The following PPFIBP1 variants were observed in gnomAD, a reference collection of about 807,000 sequenced individuals.
PPFIBP1 encodes PPFIB scaffold protein 1, also known as liprin-beta-1.
Under a neutral mutation model 137.8 loss-of-function variants are expected in PPFIBP1, and 112 were observed. That is an observed-to-expected ratio of 0.81 (90% CI 0.70 to 0.95). The LOEUF (loss-of-function observed/expected upper bound fraction) is 0.95, where lower values mean the gene tolerates loss of function less well. Among genes scored for constraint, PPFIBP1 ranks in the 40% least tolerant of loss-of-function variants. The pLI, the probability that PPFIBP1 is intolerant of heterozygous loss-of-function variation, is 0.00. For synonymous variants in PPFIBP1, 378 were observed against 417.3 expected (o/e 0.91, Z 1.15); for missense variants, 1,083 against 1,196.6 (o/e 0.91, Z 1.40).
At chr12:27,622,617 A>G (rs1190270002) in intron 2 of PPFIBP1, among the ~76,000 whole-genome samples, 1 of 152,234 alleles carries the variant, frequency 6.6e-6, no homozygotes, top group East Asian at 1.9e-4. Flanking sequence ...GAATGTGTAG[A>G]CACCTGTGCA....
intron 24 of PPFIBP1, among the ~76,000 whole-genome samples, chr12:27,685,476 T>G (rs1028854478): frequency 6.6e-6 from 1 of 152,118 alleles, no homozygotes. Flanking sequence ...AGCTCACGAT[T>G]ATGACTAGAA....
intron 2 of PPFIBP1, among the ~76,000 whole-genome samples, chr12:27,610,477 G>A (rs768822665): frequency 3.9e-5 from 6 of 152,168 alleles, no homozygotes; most frequent in Admixed American, 1.3e-4. Context: ...CCAGACTATG[G>A]TGTTTTACTG....
In PPFIBP1 at chr12:27,633,263, T is replaced by A. The variant is rs1329549937; in HGVS notation, c.-35-99T>A. ...CACTACTGAAGTTCTTCTTCCATAT[T>A]TGACTACACAGCAGAGTTATCATTT... On this transcript the variant is annotated intron_variant, in intron 2 of 29. Coordinates refer to ENST00000228425, the MANE Select transcript of PPFIBP1 (RefSeq NM_003622.4). 1.0e-5 allele frequency: 8 copies of A among 786,110 alleles called. 1 individual carries two copies. The highest frequency in any genetic ancestry group is 4.7e-4 in the Middle Eastern group (2 of 4,292). The allele number at this position is 786,110 out of a possible 1,614,324, so 48.7% of individuals were successfully genotyped here. A position where few individuals can be genotyped will look rare whatever the true frequency, so the allele number is the denominator to read the frequency against.
chr12:27,632,235 G>C (rs2057318002), intron 2 of PPFIBP1, among the ~76,000 whole-genome samples: 1 of 152,208 alleles, frequency 6.6e-6, no homozygotes, highest in Non-Finnish European at 1.5e-5. Flanking sequence ...CATCCAAGGA[G>C]TTGATACCGG....
chr12:27,686,996 T>C lies in PPFIBP1; in HGVS notation c.2248-389T>C, dbSNP rs577544840. On this transcript the variant is annotated intron_variant, in intron 24 of 29. Transcript: ENST00000228425. ...CAGTTTATCCAAAGCCTAAGTACTTTATCCACCGATAAAGTTCTCAAAACT... is the reference window on the plus strand; with the variant it reads ...CAGTTTATCCAAAGCCTAAGTACTTCATCCACCGATAAAGTTCTCAAAACT... Among the ~76,000 whole-genome samples, 18 of 152,332 alleles carry C rather than the reference T, an allele frequency of 1.2e-4. 1 individual carries two copies. Among genetic ancestry groups the C allele is most frequent in the African/African-American group, 4.3e-4 (18 of 41,582 alleles).
At chr12:27,532,021 G>T (rs1944477563) in intron 1 of PPFIBP1, among the ~76,000 whole-genome samples, 1 of 152,148 alleles carries the variant, frequency 6.6e-6, no homozygotes, top group Non-Finnish European at 1.5e-5. Context: ...GGAATAATTG[G>T]GTGGTTATGA....
chr12:27,580,015 C>G (rs183834472), intron 2 of PPFIBP1, among the ~76,000 whole-genome samples: 1 of 152,114 alleles, frequency 6.6e-6, no homozygotes, highest in African/African-American at 2.4e-5. Context: ...GAAATAGATC[C>G]AGAAAAGAGA....
At chr12:27,655,109 G>T (rs1344928131) in intron 8 of PPFIBP1, 1 of 1,416,562 alleles carries the variant, frequency 7.1e-7, no homozygotes, top group African/African-American at 1.4e-5. Context: ...TTTTCTATCT[G>T]TAGTTTTCTT....
At chr12:27,626,410 G>A (rs997402387) in intron 2 of PPFIBP1, among the ~76,000 whole-genome samples, 4 of 152,078 alleles carry the variant, frequency 2.6e-5, no homozygotes, top group African/African-American at 9.7e-5. Context: ...TCTGGGCAGG[G>A]CTTGTTGTCC....
chr12:27,603,866 T>G (rs2054246950), intron 2 of PPFIBP1, among the ~76,000 whole-genome samples: 1 of 152,158 alleles, frequency 6.6e-6, no homozygotes, highest in African/African-American at 2.4e-5. Flanking sequence ...CTAAATTGGG[T>G]AGACAACCCC....
At chr12:27,680,100 A>C in intron 21 of PPFIBP1, 39 bp downstream of exon 21, 1 of 1,609,880 alleles carries the variant, frequency 6.2e-7, no homozygotes, top group South Asian at 1.1e-5. Context: ...CATCTCTACC[A>C]AGCATCATAG....
At chr12:27,661,793 T>C (rs2059570939) in intron 11 of PPFIBP1, among the ~76,000 whole-genome samples, 1 of 152,232 alleles carries the variant, frequency 6.6e-6, no homozygotes, top group African/African-American at 2.4e-5. Context: ...GACTCTTCTG[T>C]TTTTCTTATC....
At position 27,534,626 on chromosome 12, in the gene PPFIBP1, T is replaced by C. The variant is rs75413355; in HGVS notation, c.-124+10261T>C. ...TGACTGTCTTTGAAGGAGGAATTTT[T>C]AGACAACCAGACTTGATGGTTCACA... On this transcript the variant is annotated intron_variant, in intron 1 of 29. Coordinates refer to ENST00000228425, the MANE Select transcript of PPFIBP1 (RefSeq NM_003622.4). Among the ~76,000 whole-genome samples, 957 of 152,256 alleles carry C rather than the reference T, an allele frequency of 6.3e-3. 10 individuals carry two copies. The highest frequency in any genetic ancestry group is 0.022 in the African/African-American group (923 of 41,542).
intron 17 of PPFIBP1, among the ~76,000 whole-genome samples, chr12:27,676,186 T>G (rs2060497843): frequency 6.6e-6 from 1 of 152,220 alleles, no homozygotes. Flanking sequence ...GACATATCGA[T>G]TCTAGATTAG....
intron 1 of PPFIBP1, chr12:27,547,328 T>G (rs1425207187): frequency 6.6e-6 from 1 of 152,190 alleles, no homozygotes; most frequent in Non-Finnish European, 1.5e-5. Context: ...CCCTGTTGAC[T>G]GGGTTGGTGT....
chr12:27,648,982 G>A (rs60938043), intron 6 of PPFIBP1, among the ~76,000 whole-genome samples: 9,782 of 152,176 alleles, frequency 0.064, 383 homozygotes, highest in East Asian at 0.12. Context: ...TATACATTTG[G>A]AAATAAGAAT....
At chr12:27,574,343 G>T (rs2050389735) in intron 1 of PPFIBP1, among the ~76,000 whole-genome samples, 1 of 152,140 alleles carries the variant, frequency 6.6e-6, no homozygotes, top group Admixed American at 6.5e-5. Flanking sequence ...GACTAGATGG[G>T]AACAAACTTG....
intron 15 of PPFIBP1, among the ~76,000 whole-genome samples, chr12:27,672,937 T>A (rs1259975830): frequency 6.7e-6 from 1 of 149,142 alleles, no homozygotes; most frequent in Non-Finnish European, 1.5e-5. Context: ...ATTAGGAAAG[T>A]CTATTTTCAG....
At chr12:27,687,259 C>A (rs2061258878) in intron 24 of PPFIBP1, 126 bp from the exon 25 acceptor site, 3 of 1,155,988 alleles carry the variant, frequency 2.6e-6, no homozygotes, top group African/African-American at 3.2e-5. Context: ...TGGGTTCTGA[C>A]AAGACCTTGG....
Sources: gnomAD v4.1 joint callset for allele counts (sites outside exome capture counted in the v4.1 genomes callset) on GRCh38, gnomAD v4.1.1 for gene constraint, MANE v1.5 for transcripts, NCBI Gene and HGNC (gene_info 2026-07-23, HGNC 2026-07-21) for gene names.